KCTD8: variants seen among roughly 807,000 people sequenced by gnomAD.
KCTD8 encodes the protein potassium channel tetramerization domain containing 8.
KCTD8 carries 27 observed loss-of-function variants against 31.5 expected under a neutral mutation model. The observed-to-expected ratio is 0.86, with a 90% confidence interval of 0.63 to 1.18. The LOEUF (loss-of-function observed/expected upper bound fraction) is 1.18, where lower values mean the gene tolerates loss of function less well. Among genes scored for constraint, KCTD8 ranks in the 50% most tolerant of loss-of-function variants. The pLI is 0.00. For synonymous variants in KCTD8, 290 were observed against 280.0 expected (o/e 1.04, Z -0.36); for missense variants, 658 against 647.7 (o/e 1.02, Z -0.17).
At chr4:44,357,684 A>G (rs1719379219) in intron 1 of KCTD8, among the ~76,000 whole-genome samples, 1 of 152,124 alleles carries the variant, frequency 6.6e-6, no homozygotes, top group Non-Finnish European at 1.5e-5. Context: ...TGAATACTAC[A>G]TATAATGGTC....
intron 1 of KCTD8, among the ~76,000 whole-genome samples, chr4:44,331,839 A>C (rs1487258041): frequency 6.7e-6 from 1 of 150,080 alleles, no homozygotes; most frequent in Non-Finnish European, 1.5e-5. Flanking sequence ...AAAAAAATAA[A>C]ATATATATAT....
At chr4:44,232,712 A>G (rs535033885) in intron 1 of KCTD8, among the ~76,000 whole-genome samples, 2 of 152,170 alleles carry the variant, frequency 1.3e-5, no homozygotes, top group African/African-American at 4.8e-5. Flanking sequence ...TAAACAACAA[A>G]CAGAATAATA....
At chr4:44,392,732 C>T (rs1202454050) in intron 1 of KCTD8, among the ~76,000 whole-genome samples, 1 of 151,858 alleles carries the variant, frequency 6.6e-6, no homozygotes, top group African/African-American at 2.4e-5. Flanking sequence ...TATAACTTCC[C>T]CTCTAGGTTG....
At chr4:44,399,660 T>G (rs1720596642) in intron 1 of KCTD8, among the ~76,000 whole-genome samples, 1 of 152,090 alleles carries the variant, frequency 6.6e-6, no homozygotes, top group Admixed American at 6.6e-5. Context: ...CATGGGAACT[T>G]GAGAAAGTAA....
intron 1 of KCTD8, among the ~76,000 whole-genome samples, chr4:44,359,111 T>C (rs1243208195): frequency 6.6e-6 from 1 of 152,176 alleles, no homozygotes; most frequent in Non-Finnish European, 1.5e-5. Context: ...GTTCTATAGG[T>C]TGCCTGTTCA....
intron 1 of KCTD8, among the ~76,000 whole-genome samples, chr4:44,182,158 G>C (rs563744297): frequency 6.6e-6 from 1 of 151,142 alleles, no homozygotes; most frequent in South Asian, 2.1e-4. Flanking sequence ...CGCCCCGTCC[G>C]AGAGGGAGGT....
At chr4:44,244,328 T>C (rs1715589616) in intron 1 of KCTD8, among the ~76,000 whole-genome samples, 1 of 152,124 alleles carries the variant, frequency 6.6e-6, no homozygotes. Context: ...TTGGACTGTG[T>C]TGAGGCTCAG....
intron 1 of KCTD8, among the ~76,000 whole-genome samples, chr4:44,270,938 C>T (rs1442760059): frequency 6.6e-6 from 1 of 152,002 alleles, no homozygotes; most frequent in Non-Finnish European, 1.5e-5. Flanking sequence ...TTCTTTCATT[C>T]CTACATTCGT....
intron 1 of KCTD8, among the ~76,000 whole-genome samples, chr4:44,391,445 C>T (rs189083668): frequency 3.3e-5 from 5 of 151,980 alleles, no homozygotes; most frequent in East Asian, 1.9e-4. Flanking sequence ...CCTCCTCTTC[C>T]GCAGCCTACT....
chr4:44,177,281 C>T (rs1253033266), intron 1 of KCTD8, among the ~76,000 whole-genome samples: 12 of 152,042 alleles, frequency 7.9e-5, no homozygotes, highest in Admixed American at 7.9e-4. Flanking sequence ...ACCCTAACCC[C>T]ACCCCACCCC....
chr4:44,246,156 C>T (rs750270304), intron 1 of KCTD8, among the ~76,000 whole-genome samples: 16 of 151,998 alleles, frequency 1.1e-4, no homozygotes, highest in Non-Finnish European at 1.9e-4. Flanking sequence ...TCCTAACATT[C>T]CATTAGTTCA....
At chr4:44,242,392 C>A (rs58203840) in intron 1 of KCTD8, among the ~76,000 whole-genome samples, 18,016 of 151,988 alleles carry the variant, frequency 0.12, 1,319 homozygotes, top group East Asian at 0.24. Flanking sequence ...TCCTGGCTAA[C>A]ACGGTGAAAT....
intron 1 of KCTD8, among the ~76,000 whole-genome samples, chr4:44,300,081 CTT>C (rs911090446): frequency 2.0e-5 from 3 of 152,034 alleles, no homozygotes; most frequent in African/African-American, 7.2e-5. Flanking sequence ...TAACCTGACT[CTT>C]GACTATTTTT....
At position 44,448,489 on chromosome 4, in the gene KCTD8, G is replaced by A; in HGVS notation, c.35C>T (p.Thr12Ile). 6.6e-7 allele frequency: 1 copy of A among 1,504,232 alleles called. No individual in the cohort carries two copies. The highest frequency in any genetic ancestry group is 8.8e-7 in the Non-Finnish European group (1 of 1,131,650). The allele number at this position is 1,504,232 out of a possible 1,614,324, so 93.2% of individuals were successfully genotyped here. Residue 12 changes from threonine to isoleucine, a missense_variant, in exon 1 of 2, where the codon ACC becomes ATC. Physicochemically the swap from Thr to Ile is moderately conservative, Grantham distance 89. Coordinates refer to ENST00000360029, the MANE Select transcript of KCTD8 (RefSeq NM_198353.3). The surrounding 1 kb of genome is among the most constrained non-coding windows in gnomAD (Gnocchi z 4.1). Reference sequence around the variant, plus strand: ...AACCATCTCGCTAATGGGCAGGATGGTGCTGCCGCCGCTGCCCGTGTCCTT... The same window carrying A: ...AACCATCTCGCTAATGGGCAGGATGATGCTGCCGCCGCTGCCCGTGTCCTT... ...ALKDTGSGGS[T>I]ILPISEMVSS...
Position 44,448,789 on chromosome 4 carries a change from G to C in KCTD8, c.-266C>G. The stretch of plus-strand genomic sequence containing the variant: ...GGCAAGAAGGAGCTGCTGCTCCTTT[G>C]GGGCGAGGGCGGGGAAGTGTGAGAG... On this transcript the variant is annotated 5_prime_UTR_variant, in exon 1 of 2. Transcript: ENST00000360029. This position sits in a 1 kb window ranked among gnomAD's most constrained non-coding sequence, Gnocchi z 4.1. 3.0e-6 allele frequency: 1 copy of C among 337,452 alleles called. No individual in the cohort carries two copies. The highest frequency in any genetic ancestry group is 5.3e-6 in the Non-Finnish European group (1 of 188,010). The allele number at this position is 337,452 out of a possible 1,614,324, so 20.9% of individuals were successfully genotyped here. A position where few individuals can be genotyped will look rare whatever the true frequency, so the allele number is the denominator to read the frequency against.
At chr4:44,324,842 T>C (rs900319020) in intron 1 of KCTD8, among the ~76,000 whole-genome samples, 25 of 152,044 alleles carry the variant, frequency 1.6e-4, no homozygotes, top group Admixed American at 1.6e-3. Flanking sequence ...ATTACTTCTC[T>C]TTTTAAGAGG....
chr4:44,286,437 C>T (rs1717072902), intron 1 of KCTD8, among the ~76,000 whole-genome samples: 1 of 152,012 alleles, frequency 6.6e-6, no homozygotes, highest in Admixed American at 6.6e-5. Context: ...AATATATTTG[C>T]CAGGAATTGC....
intron 1 of KCTD8, among the ~76,000 whole-genome samples, chr4:44,286,040 A>G (rs1449795768): frequency 7.9e-5 from 12 of 152,170 alleles, no homozygotes; most frequent in Non-Finnish European, 1.6e-4. Context: ...CCCTTATCTT[A>G]TCTCAATGGT....
chr4:44,411,293 G>T (rs968008893), intron 1 of KCTD8, among the ~76,000 whole-genome samples: 2 of 147,326 alleles, frequency 1.4e-5, no homozygotes, highest in African/African-American at 5.0e-5. Flanking sequence ...TGGGAGAAAC[G>T]ACTGATCCCA....
Sources: gnomAD v4.1 joint callset for allele counts (sites outside exome capture counted in the v4.1 genomes callset) on GRCh38, gnomAD v4.1.1 for gene constraint, Gnocchi (gnomAD v3.1) non-coding constraint, MANE v1.5 for transcripts, NCBI Gene and HGNC (gene_info 2026-07-23, HGNC 2026-07-21) for gene names.